The following ABHD6 variants were observed in gnomAD, a reference collection of about 807,000 sequenced individuals.
ABHD6 encodes the protein monoacylglycerol lipase ABHD6.
In ABHD6, 33 loss-of-function variants were observed where a neutral mutation model predicts 38.8. That is an observed-to-expected ratio of 0.85 (90% CI 0.64 to 1.14). The LOEUF (loss-of-function observed/expected upper bound fraction) is 1.14, where lower values mean the gene tolerates loss of function less well. Among genes scored for constraint, ABHD6 ranks in the 50% most tolerant of loss-of-function variants. The pLI, the probability that ABHD6 is intolerant of heterozygous loss-of-function variation, is 0.00. For synonymous variants in ABHD6, 147 were observed against 161.6 expected, an observed-to-expected ratio of 0.91 and a Z score of 0.69; for missense variants, 380 against 422.6, an observed-to-expected ratio of 0.90 and a Z score of 0.88.
At chr3:58,280,938 A>T (rs2097452702) in intron 7 of ABHD6, among the ~76,000 whole-genome samples, 1 of 152,104 alleles carries the variant, frequency 6.6e-6, no homozygotes, top group African/African-American at 2.4e-5. Flanking sequence ...CAGAACAGCA[A>T]ATATTGCTGC....
chr3:58,243,135 G>A (rs2097424024), intron 1 of ABHD6, among the ~76,000 whole-genome samples: 1 of 152,096 alleles, frequency 6.6e-6, no homozygotes, highest in Non-Finnish European at 1.5e-5. Flanking sequence ...TGGACGTTTG[G>A]GTTGGTTCCA....
intron 1 of ABHD6, among the ~76,000 whole-genome samples, chr3:58,242,107 G>T (rs1279275462): frequency 6.6e-6 from 1 of 152,138 alleles, no homozygotes; most frequent in African/African-American, 2.4e-5. Context: ...TAGGCGTGCC[G>T]GGGAGAGAGG....
In ABHD6 at chr3:58,257,153, C is replaced by G. The variant is rs1304269957; in HGVS notation, c.119+448C>G. ...CAACTCCTGGCCTCAAGTGATCTTC[C>G]CATCTTGCCTCTCTAAGTGCTGGGA... On this transcript the variant is annotated intron_variant, in intron 3 of 9. Transcript: ENST00000478253. The surrounding 1 kb of genome is among the most constrained non-coding windows in gnomAD (Gnocchi z 4.8). 3.9e-5 allele frequency among the ~76,000 whole-genome samples: 6 copies of G among 152,118 alleles called. No individual in the cohort carries two copies. Among genetic ancestry groups the G allele is most frequent in the Non-Finnish European group, 8.8e-5 (6 of 68,024 alleles).
chr3:58,268,005 C>G (rs1370338055), intron 4 of ABHD6, among the ~76,000 whole-genome samples: 1 of 152,168 alleles, frequency 6.6e-6, no homozygotes, highest in African/African-American at 2.4e-5. Context: ...CCTGGGAAGT[C>G]AAGGCTGCAG....
intron 1 of ABHD6, among the ~76,000 whole-genome samples, chr3:58,239,461 G>T (rs1386662275): frequency 6.6e-6 from 1 of 152,166 alleles, no homozygotes; most frequent in Admixed American, 6.5e-5. Context: ...TGACTCTACA[G>T]AAATTAACCA....
intron 7 of ABHD6, among the ~76,000 whole-genome samples, chr3:58,284,442 C>T (rs2097455497): frequency 6.6e-6 from 1 of 151,096 alleles, no homozygotes; most frequent in African/African-American, 2.4e-5. Context: ...ATATTATGGT[C>T]ATCCTCATTA....
Position 58,267,208 on chromosome 3 carries a change from G to A in ABHD6, c.139G>A (p.Gly47Ser), listed in dbSNP as rs1432189379. ...TTCCAGGTACTGGCGGAGGACATTG[G>A]GCATGCAAGTCCGCTATGTTCACCA... ...IYYWYWRRTL[G>S]MQVRYVHHED... Residue 47 changes from glycine (G) to serine (S), a missense_variant, in exon 4 of 10, where the codon GGC becomes AGC. Gly to Ser is a moderately conservative substitution (Grantham distance 56, BLOSUM62 0). Coordinates refer to ENST00000478253, the MANE Select transcript of ABHD6 (RefSeq NM_001320126.2). This position sits in a 1 kb window ranked among gnomAD's most constrained non-coding sequence, Gnocchi z 4.3. 1 of 1,614,042 alleles carries A rather than the reference G, an allele frequency of 6.2e-7. No homozygotes were observed. The highest frequency in any genetic ancestry group is 1.7e-5 in the Admixed American group (1 of 60,014).
intron 7 of ABHD6, among the ~76,000 whole-genome samples, chr3:58,284,119 C>A (rs1264844950): frequency 6.6e-6 from 1 of 152,120 alleles, no homozygotes; most frequent in African/African-American, 2.4e-5. Context: ...CCTCAGGAGT[C>A]CTGAGGCAGG....
intron 7 of ABHD6, 33 bp downstream of exon 7, chr3:58,274,848 T>C (rs1157495582): frequency 6.2e-7 from 1 of 1,602,514 alleles, no homozygotes; most frequent in African/African-American, 1.3e-5. Context: ...ACAACTACCC[T>C]CCCCAGAGGC....
At chr3:58,247,555 G>A (rs2097427268) in intron 1 of ABHD6, among the ~76,000 whole-genome samples, 1 of 152,142 alleles carries the variant, frequency 6.6e-6, no homozygotes, top group South Asian at 2.1e-4. Flanking sequence ...AGTTTGTATT[G>A]TAGTTATTTT....
intron 9 of ABHD6, among the ~76,000 whole-genome samples, chr3:58,288,002 A>G (rs2097458717): frequency 6.6e-6 from 1 of 152,220 alleles, no homozygotes; most frequent in Non-Finnish European, 1.5e-5. Flanking sequence ...GGTGGCTTCA[A>G]TGCATGGTCC....
rs2097440711 is a variant in ABHD6 at position 58,266,120 on chromosome 3, A to C, written c.120-1069A>C. Among the ~76,000 whole-genome samples, 3 of 152,224 alleles carry C rather than the reference A, an allele frequency of 2.0e-5. No individual in the cohort carries two copies. Among genetic ancestry groups the C allele is most frequent in the Admixed American group, 2.0e-4 (3 of 15,270 alleles). On this transcript the variant is annotated intron_variant, in intron 3 of 9. Transcript: ENST00000478253. This position sits in a 1 kb window ranked among gnomAD's most constrained non-coding sequence, Gnocchi z 4.0. The stretch of plus-strand genomic sequence containing the variant: ...ATGCTATTATGTTCTTTACGTTTTG[A>C]GTAGGCAATGCAGTCATTAAAAAAG...
rs1400053584 is a variant in ABHD6 at position 58,274,762 on chromosome 3, A to G, written c.628A>G (p.Met210Val). Residue 210 changes from methionine (M) to valine (V), a missense_variant, in exon 7 of 10, where the codon ATG becomes GTG. Transcript: ENST00000478253. ...CTTGATCCCGTCTACCCCAGAAGAG[A>G]TGAGTGAAATGCTTCAGCTCTGCTC... The part of the protein sequence containing the change: ...IPLIPSTPEE[M>V]SEMLQLCSYV... 6.2e-7 allele frequency: 1 copy of G among 1,614,096 alleles called. No individual in the cohort carries two copies.
chr3:58,264,516 C>A (rs935784925), intron 3 of ABHD6, among the ~76,000 whole-genome samples: 1 of 150,466 alleles, frequency 6.6e-6, no homozygotes, highest in Non-Finnish European at 1.5e-5. Flanking sequence ...ACAGGGAGAC[C>A]CAGTCTCTAC....
At position 58,273,641 on chromosome 3, in the gene ABHD6, G is replaced by A. The variant is rs200783311; in HGVS notation, c.524-1017G>A. Among the ~76,000 whole-genome samples, 7 of 152,092 alleles carry A rather than the reference G, an allele frequency of 4.6e-5. No homozygotes were observed. Among genetic ancestry groups the A allele is most frequent in the Non-Finnish European group, 8.8e-5 (6 of 68,012 alleles). On this transcript the variant is annotated intron_variant, in intron 6 of 9. Coordinates refer to ENST00000478253, the MANE Select transcript of ABHD6 (RefSeq NM_001320126.2). This position sits in a 1 kb window ranked among gnomAD's most constrained non-coding sequence, Gnocchi z 4.8. ...ACACAGGAACAGAAAACCAAACACC[G>A]CATGTTCTCACTCATAAGTGCGAGT...
rs2097456074 is a variant in ABHD6, at chr3:58,285,259, T to C, written c.737-94T>C. The C allele has an allele frequency of 1.3e-6, 2 of 1,513,858 alleles. No homozygotes were observed. The highest frequency in any genetic ancestry group is 2.3e-5 in the East Asian group (1 of 44,334). The allele number at this position is 1,513,858 out of a possible 1,614,324, so 93.8% of individuals were successfully genotyped here. On this transcript the variant is annotated intron_variant, in intron 8 of 9. Transcript: ENST00000478253. This position sits in a 1 kb window ranked among gnomAD's most constrained non-coding sequence, Gnocchi z 4.9. ...TCTTTGGGCCCCTGAAGAGAGGAAGTGGTGGCCTGGATCTGGTGACTATCC... is the reference window on the plus strand; with the variant it reads ...TCTTTGGGCCCCTGAAGAGAGGAAGCGGTGGCCTGGATCTGGTGACTATCC...
intron 9 of ABHD6, among the ~76,000 whole-genome samples, chr3:58,292,024 G>C (rs372345094): frequency 1.3e-5 from 2 of 152,214 alleles, no homozygotes; most frequent in South Asian, 2.1e-4. Context: ...CTGCATCTGC[G>C]TTTCTTCTGA....
At chr3:58,283,182 G>C (rs146133675) in intron 7 of ABHD6, among the ~76,000 whole-genome samples, 1 of 152,164 alleles carries the variant, frequency 6.6e-6, no homozygotes, top group African/African-American at 2.4e-5. Flanking sequence ...TGATGCTGTG[G>C]CATGTTCCAC....
Position 58,266,318 on chromosome 3 carries a change from G to A in ABHD6, c.120-871G>A, listed in dbSNP as rs1264598046. Among the ~76,000 whole-genome samples, 5 of 151,960 alleles carry A rather than the reference G, an allele frequency of 3.3e-5. No individual in the cohort carries two copies. The highest frequency in any genetic ancestry group is 5.9e-5 in the Non-Finnish European group (4 of 68,000). On this transcript the variant is annotated intron_variant, in intron 3 of 9. Coordinates refer to ENST00000478253, the MANE Select transcript of ABHD6 (RefSeq NM_001320126.2). This position sits in a 1 kb window ranked among gnomAD's most constrained non-coding sequence, Gnocchi z 4.0. ...ACAAAAATTAGGCAGGCATGGTGGT[G>A]TGCACCTGTAACCCTAGATACAGGC...
Sources: gnomAD v4.1 joint callset for allele counts (sites outside exome capture counted in the v4.1 genomes callset) on GRCh38, gnomAD v4.1.1 for gene constraint, Gnocchi (gnomAD v3.1) non-coding constraint, MANE v1.5 for transcripts, NCBI Gene and HGNC (gene_info 2026-07-23, HGNC 2026-07-21) for gene names.